Variants in SESTD1 observed in about 807,000 individuals in gnomAD.
SESTD1 encodes SEC14 domain and spectrin repeat-containing protein 1.
Under a neutral mutation model 101.7 loss-of-function variants are expected in SESTD1, and 43 were observed. The ratio of observed to expected loss-of-function variants is 0.42; its 90% CI spans 0.33 to 0.55. The LOEUF (loss-of-function observed/expected upper bound fraction) is 0.55. Ranked by LOEUF, SESTD1 falls within the 20% of genes least tolerant of loss-of-function variation. The probability of loss-of-function intolerance (pLI) is 0.07; values close to 1 mark genes in which losing one functional copy is unlikely to be tolerated. For synonymous variants in SESTD1, 283 were observed against 286.8 expected, an observed-to-expected ratio of 0.99 and a Z score of 0.13; for missense variants, 647 against 815.1, an observed-to-expected ratio of 0.79 and a Z score of 2.51.
chr2:179,160,397 ATGAG>A (rs1484096184), intron 5 of SESTD1, among the ~76,000 whole-genome samples: 2 of 152,170 alleles, frequency 1.3e-5, no homozygotes, highest in Non-Finnish European at 2.9e-5. Context: ...GAAGTGATTA[ATGAG>A]TAAGAAATAA....
chr2:179,193,578 A>T lies in SESTD1; in HGVS notation c.-25-1712T>A, dbSNP rs764798940. ...TAAAGGGGTGATAATAATTATTATA[A>T]TTAACATTGACTAAGTGTTTATTAT... On this transcript the variant is annotated intron_variant, in intron 1 of 17. Transcript: ENST00000428443. Among the ~76,000 whole-genome samples the T allele has an allele frequency of 3.5e-4, 53 of 152,352 alleles. No individual in the cohort carries two copies. In the Middle Eastern group the frequency reaches 0.017, roughly 49 times the overall value.
At chr2:179,116,934 T>C in intron 14 of SESTD1, 144 bp from the exon 15 acceptor site, 1 of 1,141,248 alleles carries the variant, frequency 8.8e-7, no homozygotes, top group Non-Finnish European at 1.2e-6. Flanking sequence ...TTTCATTCAA[T>C]GATAAGCTAC....
chr2:179,166,991 C>T (rs2045846726), intron 5 of SESTD1, among the ~76,000 whole-genome samples: 1 of 152,058 alleles, frequency 6.6e-6, no homozygotes, highest in Admixed American at 6.6e-5. Flanking sequence ...AACAAGATGT[C>T]TAACATTCAA....
rs555688801 is a variant in SESTD1 at position 179,106,005 on chromosome 2, C to T, written c.*3894G>A. ...AAGTTTCTACTTCATTTTATCTCAT[C>T]AGGGTATTTGTTGCTCTATATACCA... On this transcript the variant is annotated 3_prime_UTR_variant, in exon 18 of 18. Coordinates refer to ENST00000428443, the MANE Select transcript of SESTD1 (RefSeq NM_178123.5). 1 of 152,266 alleles carries T rather than the reference C, an allele frequency of 6.6e-6. No homozygotes were observed. Among genetic ancestry groups the T allele is most frequent in the East Asian group, 1.9e-4 (1 of 5,184 alleles). 9.4% of individuals were successfully genotyped at this position (152,266 alleles called of 1,614,324 possible).
In SESTD1 at chr2:179,123,892, TTAA is replaced by T. The variant is rs1041704205; in HGVS notation, c.1168-66_1168-64del. The T allele has an allele frequency of 1.0e-5, 12 of 1,185,724 alleles. No individual in the cohort carries two copies. In the African/African-American group the frequency reaches 1.7e-4, roughly 16 times the overall value. 73.5% of individuals were successfully genotyped at this position (1,185,724 alleles called of 1,614,324 possible). A position where few individuals can be genotyped will look rare whatever the true frequency, so the allele number is the denominator to read the frequency against. On this transcript the variant is annotated intron_variant, in intron 11 of 17. Coordinates refer to ENST00000428443, the MANE Select transcript of SESTD1 (RefSeq NM_178123.5). ...AATCAGCATCTAAAGTGTTTAATGA[TTAA>T]TGAGGTTTATATCTAATGAGGTTAT...
intron 1 of SESTD1, among the ~76,000 whole-genome samples, chr2:179,224,960 A>C (rs1452881331): frequency 1.3e-5 from 2 of 152,170 alleles, no homozygotes; most frequent in Non-Finnish European, 2.9e-5. Flanking sequence ...CATCCTAGCA[A>C]ATCAAAACTG....
intron 10 of SESTD1, among the ~76,000 whole-genome samples, chr2:179,129,234 A>G (rs1405007505): frequency 6.6e-6 from 1 of 152,226 alleles, no homozygotes; most frequent in East Asian, 1.9e-4. Flanking sequence ...ATTCTGAAGT[A>G]GTTTCAGATA....
intron 5 of SESTD1, among the ~76,000 whole-genome samples, chr2:179,166,456 G>A (rs2045836559): frequency 6.6e-6 from 1 of 152,072 alleles, no homozygotes; most frequent in African/African-American, 2.4e-5. Flanking sequence ...GTGGAAGAAG[G>A]GAAAAGAAAA....
intron 1 of SESTD1, among the ~76,000 whole-genome samples, chr2:179,239,275 T>C (rs2047114449): frequency 6.6e-6 from 1 of 152,194 alleles, no homozygotes; most frequent in Non-Finnish European, 1.5e-5. Context: ...TGAATTCTGT[T>C]ATTTCATATT....
At chr2:179,120,742 T>A (rs552063020) in intron 13 of SESTD1, among the ~76,000 whole-genome samples, 1 of 152,044 alleles carries the variant, frequency 6.6e-6, no homozygotes, top group Middle Eastern at 3.4e-3. Context: ...CTGAAAAGAG[T>A]TGAAAATAAA....
intron 1 of SESTD1, among the ~76,000 whole-genome samples, chr2:179,231,745 T>A (rs10210749): frequency 0.012 from 1,746 of 144,722 alleles, 22 homozygotes; most frequent in African/African-American, 0.033. Context: ...TTAAAAAATT[T>A]AAAAAAAAAG....
intron 3 of SESTD1, among the ~76,000 whole-genome samples, chr2:179,178,592 C>T (rs1272172922): frequency 1.3e-5 from 2 of 152,140 alleles, no homozygotes; most frequent in Non-Finnish European, 2.9e-5. Context: ...ACCACCATGA[C>T]ATAGGAGAGG....
Position 179,109,811 on chromosome 2 carries a change from A to T in SESTD1, c.*88T>A. The stretch of plus-strand genomic sequence containing the variant: ...AAATGAGACTTATTTTGGCTGTGAA[A>T]TGCATCTTAAGGTGTGGTGGCTAAT... On this transcript the variant is annotated 3_prime_UTR_variant, in exon 18 of 18. Transcript: ENST00000428443. 6.7e-7 allele frequency: 1 copy of T among 1,493,690 alleles called. No homozygotes were observed. Among genetic ancestry groups the T allele is most frequent in the Non-Finnish European group, 9.0e-7 (1 of 1,109,242 alleles). 92.5% of individuals were successfully genotyped at this position (1,493,690 alleles called of 1,614,324 possible).
chr2:179,198,060 A>G (rs560796796), intron 1 of SESTD1, among the ~76,000 whole-genome samples: 1 of 152,298 alleles, frequency 6.6e-6, no homozygotes, highest in South Asian at 2.1e-4. Context: ...GTATTCAGGA[A>G]ACCCACCTCA....
rs2045621831 is a variant in SESTD1 at position 179,155,999 on chromosome 2, C to T, written c.370-4608G>A. 2.6e-5 allele frequency among the ~76,000 whole-genome samples: 4 copies of T among 152,152 alleles called. No individual in the cohort carries two copies. The South Asian group carries it at 8.3e-4, about 32-fold the overall frequency. On this transcript the variant is annotated intron_variant, in intron 5 of 17. Coordinates refer to ENST00000428443, the MANE Select transcript of SESTD1 (RefSeq NM_178123.5). ...GCGAGAACACACGATGTTTGGTTTT[C>T]CATTCCTGAGTTACTTCACTTAGAA...
intron 1 of SESTD1, among the ~76,000 whole-genome samples, chr2:179,246,083 C>T (rs58887763): frequency 0.3 from 45,570 of 151,878 alleles, 7,032 homozygotes; most frequent in South Asian, 0.52. Flanking sequence ...GTCGAAACCC[C>T]GTCTCTACTA....
intron 2 of SESTD1, among the ~76,000 whole-genome samples, chr2:179,189,297 C>A (rs1031502066): frequency 1.6e-4 from 24 of 152,026 alleles, no homozygotes; most frequent in African/African-American, 5.8e-4. Flanking sequence ...ATGTGAGTCA[C>A]CACATAAACA....
intron 1 of SESTD1, among the ~76,000 whole-genome samples, chr2:179,240,960 A>T (rs1029954040): frequency 4.6e-5 from 7 of 152,204 alleles, no homozygotes; most frequent in Non-Finnish European, 8.8e-5. Flanking sequence ...AATTATGAAC[A>T]TGTTTAAAAC....
chr2:179,194,025 T>C (rs1157566898), intron 1 of SESTD1, among the ~76,000 whole-genome samples: 2 of 152,190 alleles, frequency 1.3e-5, no homozygotes, highest in South Asian at 2.1e-4. Context: ...TGAATGTGCA[T>C]GACTATATTC....
Sources: allele counts gnomAD v4.1 joint callset (sites outside exome capture counted in the v4.1 genomes callset), GRCh38; gene constraint gnomAD v4.1.1; transcripts MANE v1.5; gene names NCBI Gene and HGNC (gene_info 2026-07-23, HGNC 2026-07-21).